PICALM: variants seen among roughly 807,000 people sequenced by gnomAD.
PICALM encodes phosphatidylinositol-binding clathrin assembly protein.
A neutral mutation model predicts 80.5 loss-of-function variants in PICALM; 40 were observed. That is an observed-to-expected ratio of 0.50 (90% CI 0.39 to 0.65). The LOEUF is 0.65. Among genes scored for constraint, PICALM ranks in the 30% least tolerant of loss-of-function variants. The pLI is 0.00. For synonymous variants in PICALM, 288 were observed against 260.3 expected (o/e 1.11, Z -1.02); for missense variants, 676 against 778.9 (o/e 0.87, Z 1.57).
At chr11:86,022,051 T>C (rs933219083) in intron 4 of PICALM, among the ~76,000 whole-genome samples, 3 of 152,006 alleles carry the variant, frequency 2.0e-5, no homozygotes, top group Admixed American at 2.0e-4. Flanking sequence ...AGGTATAGAG[T>C]TTCTTTGTGG....
At chr11:85,971,861 C>A (rs1366706547) in intron 19 of PICALM, among the ~76,000 whole-genome samples, 1 of 152,130 alleles carries the variant, frequency 6.6e-6, no homozygotes, top group Non-Finnish European at 1.5e-5. Flanking sequence ...AGGCTCACTG[C>A]AACCTCTGCC....
intron 13 of PICALM, among the ~76,000 whole-genome samples, chr11:85,988,348 T>C (rs2094644729): frequency 1.3e-5 from 2 of 152,164 alleles, no homozygotes; most frequent in Non-Finnish European, 2.9e-5. Flanking sequence ...CAAATGAAGT[T>C]AGGCAAAAAC....
intron 7 of PICALM, among the ~76,000 whole-genome samples, chr11:86,010,489 G>C (rs775118206): frequency 6.6e-6 from 1 of 152,076 alleles, no homozygotes; most frequent in Non-Finnish European, 1.5e-5. Flanking sequence ...TCCATGACTG[G>C]CTAATTTTTG....
At chr11:85,999,120 A>C (rs1360483423) in intron 11 of PICALM, among the ~76,000 whole-genome samples, 1 of 152,194 alleles carries the variant, frequency 6.6e-6, no homozygotes, top group Non-Finnish European at 1.5e-5. Context: ...AGCTACTTTG[A>C]TATAGGTAAT....
chr11:86,019,785 A>G lies in PICALM; in HGVS notation c.452+2582T>C, dbSNP rs552846547. The stretch of plus-strand genomic sequence containing the variant: ...AGCTTTAAATTTTCTTGCATAACTA[A>G]GAGGTTACCTCTATATTTTAATTAA... On this transcript the variant is annotated intron_variant, in intron 4 of 19. Coordinates refer to ENST00000393346, the MANE Select transcript of PICALM (RefSeq NM_007166.4). 2.0e-5 allele frequency among the ~76,000 whole-genome samples: 3 copies of G among 152,354 alleles called. No homozygotes were observed. The South Asian group carries it at 6.2e-4, about 32-fold the overall frequency.
Position 86,029,737 on chromosome 11 carries a change from T to C in PICALM, c.273+1732A>G, listed in dbSNP as rs921412211. Among the ~76,000 whole-genome samples the C allele has an allele frequency of 5.3e-5, 8 of 152,354 alleles. 1 individual carries two copies. In the South Asian group the frequency reaches 1.7e-3, roughly 32 times the overall value. On this transcript the variant is annotated intron_variant, in intron 2 of 19. Coordinates refer to ENST00000393346, the MANE Select transcript of PICALM (RefSeq NM_007166.4). ...AATAAATAAAGAAGAAGAAGAAAAG[T>C]ACATACACGCTTGGAATTCTTCAGA...
At chr11:86,046,645 T>G (rs2096075541) in intron 1 of PICALM, among the ~76,000 whole-genome samples, 1 of 152,194 alleles carries the variant, frequency 6.6e-6, no homozygotes. Flanking sequence ...CTTCATCAAC[T>G]GGGAAGTGTT....
At chr11:86,046,216 TCCATGCATGGTC>T (rs1040766392) in intron 1 of PICALM, among the ~76,000 whole-genome samples, 2 of 152,182 alleles carry the variant, frequency 1.3e-5, no homozygotes, top group Non-Finnish European at 2.9e-5. Context: ...CTCTCTGGCT[TCCATGCATGGTC>T]CCATCCATTT....
rs2093582337 is a variant in PICALM, at chr11:85,958,299, C to T, written c.*747G>A. On this transcript the variant is annotated 3_prime_UTR_variant, in exon 20 of 20. Transcript: ENST00000393346. ...ATTTATAATGCTTCCCTAAATCCCA[C>T]AGAGGCCGAGAATTCTTAAGAGATT... is the stretch of plus-strand genomic sequence containing the variant. The T allele has an allele frequency of 1.4e-5, 3 of 213,596 alleles. No homozygotes were observed. Among genetic ancestry groups the T allele is most frequent in the Non-Finnish European group, 2.8e-5 (3 of 105,436 alleles). 13.2% of individuals were successfully genotyped at this position (213,596 alleles called of 1,614,324 possible).
chr11:86,000,500 C>T, intron 11 of PICALM, 143 bp downstream of exon 11: 1 of 588,446 alleles, frequency 1.7e-6, no homozygotes, highest in East Asian at 2.8e-5. Flanking sequence ...AGGTATTATA[C>T]CAATATCACC....
At position 86,003,245 on chromosome 11, in the gene PICALM, T is replaced by C. The variant is rs471204; in HGVS notation, c.893+121A>G. On this transcript the variant is annotated intron_variant, in intron 9 of 19. Transcript: ENST00000393346. Reference sequence around the variant, plus strand: ...CTATGAGGCTGATATTATGATTAAATCCATTTTATAGAAAATGAAATCAAG... The same window carrying C: ...CTATGAGGCTGATATTATGATTAAACCCATTTTATAGAAAATGAAATCAAG... 439,072 of 549,984 alleles carry C rather than the reference T, an allele frequency of 0.8. 175,931 individuals are homozygous for C. The highest frequency in any genetic ancestry group is 0.89 in the African/African-American group (47,671 of 53,556). The allele number at this position is 549,984 out of a possible 1,614,324, so 34.1% of individuals were successfully genotyped here.
chr11:85,997,528 C>T (rs12279956), intron 11 of PICALM, among the ~76,000 whole-genome samples: 29,583 of 151,950 alleles, frequency 0.19, 3,207 homozygotes, highest in Middle Eastern at 0.24. Context: ...TGGAGTGCAG[C>T]GGCGTGATCT....
intron 18 of PICALM, among the ~76,000 whole-genome samples, chr11:85,976,278 T>TC (rs2094280395): frequency 1.3e-5 from 2 of 152,194 alleles, no homozygotes; most frequent in Admixed American, 1.3e-4. Flanking sequence ...TGTTAATCCC[T>TC]CCCATGCCCT....
intron 12 of PICALM, among the ~76,000 whole-genome samples, chr11:85,991,998 G>A (rs2094795609): frequency 6.6e-6 from 1 of 152,076 alleles, no homozygotes; most frequent in African/African-American, 2.4e-5. Context: ...TGAGACTACA[G>A]GCATGTGCCA....
intron 3 of PICALM, among the ~76,000 whole-genome samples, chr11:86,025,123 C>T (rs191973816): frequency 2.6e-5 from 4 of 152,222 alleles, no homozygotes; most frequent in Admixed American, 6.5e-5. Flanking sequence ...AATAGCAGGC[C>T]GGGTGTGGTG....
intron 12 of PICALM, among the ~76,000 whole-genome samples, chr11:85,990,811 GA>G (rs2094747194): frequency 6.6e-6 from 1 of 151,744 alleles, no homozygotes; most frequent in Non-Finnish European, 1.5e-5. Context: ...AACTTTCAAA[GA>G]AAAAAAGAGG....
intron 19 of PICALM, among the ~76,000 whole-genome samples, chr11:85,965,646 T>C (rs1369830038): frequency 1.3e-5 from 2 of 152,120 alleles, no homozygotes; most frequent in African/African-American, 4.8e-5. Context: ...TTCTCTACTA[T>C]ATACATGTAG....
At chr11:86,067,831 G>A (rs2096467685) in intron 1 of PICALM, among the ~76,000 whole-genome samples, 1 of 152,172 alleles carries the variant, frequency 6.6e-6, no homozygotes, top group Admixed American at 6.5e-5. Context: ...AAGCTGGGGG[G>A]CAGAGCTGAC....
intron 1 of PICALM, among the ~76,000 whole-genome samples, chr11:86,033,145 T>C (rs920528208): frequency 2.0e-5 from 3 of 152,222 alleles, no homozygotes; most frequent in African/African-American, 2.4e-5. Flanking sequence ...CTTCTCTAGA[T>C]CTTCATAGCA....
Sources: gnomAD v4.1 joint callset for allele counts (sites outside exome capture counted in the v4.1 genomes callset) on GRCh38, gnomAD v4.1.1 for gene constraint, MANE v1.5 for transcripts, NCBI Gene and HGNC (gene_info 2026-07-23, HGNC 2026-07-21) for gene names.